CAMK2A: variants seen among roughly 807,000 people sequenced by gnomAD.
CAMK2A encodes the protein calcium/calmodulin-dependent protein kinase type II subunit alpha.
A neutral mutation model predicts 79.2 loss-of-function variants in CAMK2A; 7 were observed. The ratio of observed to expected loss-of-function variants is 0.09; its 90% CI spans 0.05 to 0.17. The LOEUF is 0.17. Among genes scored for constraint, CAMK2A ranks in the 10% least tolerant of loss-of-function variants. The pLI is 1.00. For synonymous variants in CAMK2A, 242 were observed against 251.7 expected (o/e 0.96, Z 0.36); for missense variants, 214 against 646.4 (o/e 0.33, Z 7.25).
intron 4 of CAMK2A, 61 bp downstream of exon 4, chr5:150,257,502 G>A (rs1357492730): frequency 4.3e-6 from 6 of 1,398,178 alleles, no homozygotes; most frequent in East Asian, 2.5e-5. Flanking sequence ...GTCCAGTGAG[G>A]CCATCACTGG....
At chr5:150,257,014 T>C (rs1266387854) in intron 4 of CAMK2A, among the ~76,000 whole-genome samples, 183 bp from the exon 5 acceptor site, 2 of 152,140 alleles carry the variant, frequency 1.3e-5, no homozygotes, top group African/African-American at 2.4e-5. Context: ...CAGAGCACCC[T>C]TCCATTGACT....
Position 150,251,986 on chromosome 5 carries a change from A to G in CAMK2A, c.594T>C (p.Ala198=). 1.2e-6 allele frequency: 2 copies of G among 1,613,740 alleles called. No individual in the cohort carries two copies. The highest frequency in any genetic ancestry group is 1.7e-6 in the Non-Finnish European group (2 of 1,179,688). Residue 198 remains alanine (A), a synonymous_variant, in exon 8 of 19, where the codon GCT becomes GCC. Coordinates refer to ENST00000671881, the MANE Select transcript of CAMK2A (RefSeq NM_015981.4). Reference sequence around the variant, plus strand: ...AGGGCCTTAGGATGAACTCACCACAAGCCCACAGGTCCACAGGCTTCCCGT... The same window carrying G: ...AGGGCCTTAGGATGAACTCACCACAGGCCCACAGGTCCACAGGCTTCCCGT... The part of the protein sequence containing the change: ...DPYGKPVDLW[A]CGVILYILLV...
At chr5:150,246,619 G>A (rs953167125) in intron 12 of CAMK2A, among the ~76,000 whole-genome samples, 2 of 152,128 alleles carry the variant, frequency 1.3e-5, no homozygotes, top group African/African-American at 4.8e-5. Context: ...AGTTCTTTAG[G>A]GTGCTTCAGT....
At position 150,264,128 on chromosome 5, in the gene CAMK2A, G is replaced by A. The variant is rs143007308; in HGVS notation, c.217+828C>T. Among the ~76,000 whole-genome samples, 358 of 152,276 alleles carry A rather than the reference G, an allele frequency of 2.4e-3. 1 individual carries two copies. Among genetic ancestry groups the A allele is most frequent in the African/African-American group, 8.4e-3 (350 of 41,548 alleles). ...TGCGGTCTATGAGTCAGCAGGCTTG[G>A]CATCAACTCAGAGAGTGTTAGAACT... is the stretch of plus-strand genomic sequence containing the variant. On this transcript the variant is annotated intron_variant, in intron 3 of 18. Transcript: ENST00000671881.
chr5:150,251,227 G>T (rs1195392450), intron 9 of CAMK2A, among the ~76,000 whole-genome samples: 2 of 152,226 alleles, frequency 1.3e-5, no homozygotes, highest in African/African-American at 4.8e-5. Context: ...GAGCTTAATA[G>T]CTATCTGCAT....
At chr5:150,274,995 G>C (rs943797418) in intron 1 of CAMK2A, among the ~76,000 whole-genome samples, 8 of 152,274 alleles carry the variant, frequency 5.3e-5, no homozygotes, top group African/African-American at 1.7e-4. Context: ...GGCTAGCACA[G>C]ATGCCTGCTC....
intron 13 of CAMK2A, among the ~76,000 whole-genome samples, chr5:150,242,582 C>G (rs1755396485): frequency 6.6e-6 from 1 of 152,188 alleles, no homozygotes; most frequent in Non-Finnish European, 1.5e-5. Context: ...TGATGTGGCT[C>G]CACCAGGCCC....
intron 13 of CAMK2A, among the ~76,000 whole-genome samples, 189 bp from the exon 14 acceptor site, chr5:150,239,925 G>A (rs1361850017): frequency 1.3e-5 from 2 of 152,144 alleles, no homozygotes; most frequent in East Asian, 3.9e-4. Context: ...GACCTGGCGG[G>A]GCCAGTCCTC....
At chr5:150,248,167 C>T (rs1225787958) in intron 11 of CAMK2A, among the ~76,000 whole-genome samples, 1 of 152,106 alleles carries the variant, frequency 6.6e-6, no homozygotes, top group Non-Finnish European at 1.5e-5. Context: ...GCTTGGGCAA[C>T]AACAGCAGAC....
At chr5:150,263,576 C>CAT (rs1453280411) in intron 3 of CAMK2A, among the ~76,000 whole-genome samples, 2 of 151,928 alleles carry the variant, frequency 1.3e-5, no homozygotes, top group African/African-American at 4.8e-5. Flanking sequence ...TACACACACA[C>CAT]ATACATGCAT....
At chr5:150,254,899 G>A (rs1221808230) in intron 6 of CAMK2A, among the ~76,000 whole-genome samples, 1 of 152,166 alleles carries the variant, frequency 6.6e-6, no homozygotes, top group African/African-American at 2.4e-5. Flanking sequence ...TTGGGGAGGG[G>A]CTCAGAGTCT....
intron 13 of CAMK2A, among the ~76,000 whole-genome samples, chr5:150,243,284 G>T (rs1018179604): frequency 2.6e-5 from 4 of 152,170 alleles, no homozygotes; most frequent in South Asian, 4.1e-4. Flanking sequence ...ACCCACCGGT[G>T]TCTCTGGTCT....
At chr5:150,245,443 G>T in intron 12 of CAMK2A, 1 of 553,628 alleles carries the variant, frequency 1.8e-6, no homozygotes, top group South Asian at 2.1e-5. Context: ...TAACCCTCTG[G>T]CTTCATGGGT....
intron 13 of CAMK2A, among the ~76,000 whole-genome samples, chr5:150,241,992 C>T (rs1755365958): frequency 6.6e-6 from 1 of 152,302 alleles, no homozygotes; most frequent in East Asian, 1.9e-4. Context: ...GGAGGAAACA[C>T]AGAGCAGAGA....
At chr5:150,260,817 C>G (rs1416597978) in intron 3 of CAMK2A, among the ~76,000 whole-genome samples, 1 of 152,188 alleles carries the variant, frequency 6.6e-6, no homozygotes, top group Non-Finnish European at 1.5e-5. Flanking sequence ...GTTAGTGTAT[C>G]AAGATAAAGT....
chr5:150,265,389 A>T, intron 2 of CAMK2A: 1 of 199,770 alleles, frequency 5.0e-6, no homozygotes, highest in Non-Finnish European at 1.1e-5. Context: ...TCAGGAGAGA[A>T]TTGCACATGC....
chr5:150,264,106 G>C (rs528579901), intron 3 of CAMK2A, among the ~76,000 whole-genome samples: 102 of 152,282 alleles, frequency 6.7e-4, no homozygotes, highest in African/African-American at 2.4e-3. Context: ...TCCTCAGTGC[G>C]GTCTATGAGT....
At chr5:150,278,244 G>A (rs1384995779) in intron 1 of CAMK2A, among the ~76,000 whole-genome samples, 3 of 152,108 alleles carry the variant, frequency 2.0e-5, no homozygotes, top group Admixed American at 2.0e-4. Flanking sequence ...AAAGGGGCTG[G>A]GCTGCTACCT....
intron 14 of CAMK2A, among the ~76,000 whole-genome samples, 162 bp downstream of exon 14, chr5:150,239,542 A>G (rs966018861): frequency 7.2e-5 from 11 of 152,006 alleles, no homozygotes; most frequent in Non-Finnish European, 2.9e-5. Context: ...CGCAAACAAC[A>G]CACACACACA....
Sources: allele counts gnomAD v4.1 joint callset (sites outside exome capture counted in the v4.1 genomes callset), GRCh38; gene constraint gnomAD v4.1.1; transcripts MANE v1.5; gene names NCBI Gene and HGNC (gene_info 2026-07-23, HGNC 2026-07-21).